The following PSD3 variants were observed in gnomAD, a reference collection of about 807,000 sequenced individuals.
PSD3 encodes the protein PH and SEC7 domain-containing protein 3.
A neutral mutation model predicts 105.5 loss-of-function variants in PSD3; 49 were observed. The ratio of observed to expected loss-of-function variants is 0.46; its 90% CI spans 0.37 to 0.59. The LOEUF (loss-of-function observed/expected upper bound fraction) is 0.59. Among genes scored for constraint, PSD3 ranks in the 20% least tolerant of loss-of-function variants. The probability of loss-of-function intolerance (pLI) is 0.00; values close to 1 mark genes in which losing one functional copy is unlikely to be tolerated. For missense variants in PSD3, 1,561 were observed against 1,263.8 expected (o/e 1.24, Z -3.57); for synonymous variants, 557 against 457.8 (o/e 1.22, Z -2.77).
At chr8:18,965,001 T>G (rs1272741744) in intron 1 of PSD3, among the ~76,000 whole-genome samples, 1 of 152,204 alleles carries the variant, frequency 6.6e-6, no homozygotes, top group Non-Finnish European at 1.5e-5. Context: ...TCACTGAATC[T>G]CGGCTCATAA....
At chr8:18,631,993 T>A (rs1806937817) in intron 11 of PSD3, among the ~76,000 whole-genome samples, 1 of 152,146 alleles carries the variant, frequency 6.6e-6, no homozygotes, top group South Asian at 2.1e-4. Context: ...TCTATTCTTC[T>A]CAAACTCCAA....
intron 1 of PSD3, among the ~76,000 whole-genome samples, chr8:19,073,138 T>C (rs570694295): frequency 8.5e-5 from 6 of 70,222 alleles, no homozygotes; most frequent in African/African-American, 1.5e-4. Flanking sequence ...AACAGAATGA[T>C]AACCCATTTT....
At chr8:18,961,730 T>G (rs898091891) in intron 1 of PSD3, among the ~76,000 whole-genome samples, 2 of 152,078 alleles carry the variant, frequency 1.3e-5, no homozygotes, top group Non-Finnish European at 2.9e-5. Flanking sequence ...ATATAAATAT[T>G]CCTCTAAAGA....
intron 1 of PSD3, among the ~76,000 whole-genome samples, chr8:19,075,174 C>T (rs938822232): frequency 1.0e-4 from 15 of 150,060 alleles, no homozygotes; most frequent in African/African-American, 3.0e-4. Flanking sequence ...CCTCGAACTC[C>T]GGACTTCAAG....
Position 18,872,608 on chromosome 8 carries a change from A to G in PSD3, c.256T>C (p.Cys86Arg), listed in dbSNP as rs777312056. The G allele has an allele frequency of 1.2e-6, 2 of 1,614,116 alleles. No individual in the cohort carries two copies. Among genetic ancestry groups the G allele is most frequent in the Admixed American group, 3.3e-5 (2 of 60,012 alleles). The stretch of plus-strand genomic sequence containing the variant: ...ACACCCTGCTGCTCTTGTGGGTGGC[A>G]TGGCAGAGCCTCACCATCAAATTCC... ...SLEFDGEALP[C>R]HPQEQQGVQP... Residue 86 changes from cysteine (C) to arginine (R), a missense_variant, in exon 3 of 16, where the codon TGC becomes CGC. Transcript: ENST00000327040.
intron 11 of PSD3, among the ~76,000 whole-genome samples, chr8:18,611,071 G>T (rs1805228468): frequency 6.6e-6 from 1 of 152,094 alleles, no homozygotes; most frequent in African/African-American, 2.4e-5. Flanking sequence ...CATAAACAAT[G>T]AAAGTTAATT....
At chr8:18,986,819 C>T (rs1256748064) in intron 1 of PSD3, among the ~76,000 whole-genome samples, 1 of 152,090 alleles carries the variant, frequency 6.6e-6, no homozygotes, top group East Asian at 1.9e-4. Flanking sequence ...CAGCAGTGGG[C>T]AGATAAGGAA....
intron 9 of PSD3, chr8:18,734,383 C>G (rs1803994140): frequency 6.6e-6 from 1 of 152,130 alleles, no homozygotes; most frequent in South Asian, 2.1e-4. Flanking sequence ...ATCTTTAATA[C>G]AGATTAAGAC....
Position 19,013,634 on chromosome 8 carries a change from G to A in PSD3, c.-51C>T, listed in dbSNP as rs1226393663. The A allele has an allele frequency of 9.8e-6, 13 of 1,320,666 alleles. No individual in the cohort carries two copies. The highest frequency in any genetic ancestry group is 2.0e-5 in the South Asian group (1 of 49,282). 81.8% of individuals were successfully genotyped at this position (1,320,666 alleles called of 1,614,324 possible). On this transcript the variant is annotated 5_prime_UTR_variant, in exon 1 of 16. Coordinates refer to ENST00000327040, the MANE Select transcript of PSD3 (RefSeq NM_015310.4). ...CCGAAACCGCCGCCGGGCGCTCCGG[G>A]GCCGCAGCCTCAGGGCGCGAGTGCC...
rs573532967 is a variant in PSD3, at chr8:18,761,508, T to G, written c.2172+3941A>C. Among the ~76,000 whole-genome samples, 4 of 152,310 alleles carry G rather than the reference T, an allele frequency of 2.6e-5. No individual in the cohort carries two copies. The East Asian group carries it at 5.8e-4, about 22-fold the overall frequency. ...AGATGAGGATATTGAAATACACTATTTACTTGACGTAGTCCCCTGACTATT... is the reference window on the plus strand; with the variant it reads ...AGATGAGGATATTGAAATACACTATGTACTTGACGTAGTCCCCTGACTATT... On this transcript the variant is annotated intron_variant, in intron 9 of 15. Transcript: ENST00000327040.
chr8:18,600,247 C>T (rs1804338118), intron 12 of PSD3, 117 bp downstream of exon 12: 3 of 991,778 alleles, frequency 3.0e-6, no homozygotes, highest in Admixed American at 2.6e-5. Flanking sequence ...TTAACATCAG[C>T]AAACAAACTG....
At chr8:19,035,031 A>G (rs1293356160) in intron 1 of PSD3, among the ~76,000 whole-genome samples, 4 of 152,200 alleles carry the variant, frequency 2.6e-5, no homozygotes, top group Non-Finnish European at 5.9e-5. Context: ...TAAGATATGA[A>G]CAGAGTAATG....
At chr8:19,032,312 G>A (rs554439840) in intron 1 of PSD3, among the ~76,000 whole-genome samples, 113 of 152,184 alleles carry the variant, frequency 7.4e-4, no homozygotes, top group Middle Eastern at 3.4e-3. Flanking sequence ...CCTATCACTC[G>A]TGTTCATATG....
chr8:18,843,752 G>C (rs1420914573), intron 4 of PSD3, among the ~76,000 whole-genome samples: 1 of 152,098 alleles, frequency 6.6e-6, no homozygotes, highest in Non-Finnish European at 1.5e-5. Context: ...GTATATTCCA[G>C]TACTGATGAT....
intron 9 of PSD3, among the ~76,000 whole-genome samples, chr8:18,678,931 C>T (rs1800223901): frequency 8.3e-6 from 1 of 120,442 alleles, no homozygotes; most frequent in Non-Finnish European, 1.9e-5. Context: ...TGTATATATG[C>T]TTAAGTTTTT....
intron 12 of PSD3, among the ~76,000 whole-genome samples, chr8:18,583,344 G>C (rs1176761025): frequency 6.6e-6 from 1 of 152,084 alleles, no homozygotes; most frequent in Non-Finnish European, 1.5e-5. Context: ...TTGGAGGACT[G>C]CTTGATCCTG....
chr8:18,829,707 T>G (rs776101572), intron 4 of PSD3, among the ~76,000 whole-genome samples: 3 of 152,146 alleles, frequency 2.0e-5, no homozygotes, highest in Non-Finnish European at 4.4e-5. Context: ...TGACATGACT[T>G]CACAATCTCG....
In PSD3 at chr8:18,647,204, A is replaced by G. The variant is rs565342927; in HGVS notation, c.2216+8438T>C. Among the ~76,000 whole-genome samples, 9 of 152,366 alleles carry G rather than the reference A, an allele frequency of 5.9e-5. No homozygotes were observed. The South Asian group carries it at 1.9e-3, about 32-fold the overall frequency. On this transcript the variant is annotated intron_variant, in intron 10 of 15. Coordinates refer to ENST00000327040, the MANE Select transcript of PSD3 (RefSeq NM_015310.4). ...AGACCAGTCATGACTTAAATTTGCA[A>G]CAAGGAAATGAAAAGCCAAACTACA...
At chr8:18,959,691 T>C (rs1245371856) in intron 1 of PSD3, among the ~76,000 whole-genome samples, 2 of 151,986 alleles carry the variant, frequency 1.3e-5, no homozygotes, top group African/African-American at 2.4e-5. Flanking sequence ...CTAGGGAAAA[T>C]GGCTAAAGAT....
Sources: allele counts gnomAD v4.1 joint callset (sites outside exome capture counted in the v4.1 genomes callset), GRCh38; gene constraint gnomAD v4.1.1; transcripts MANE v1.5; gene names NCBI Gene and HGNC (gene_info 2026-07-23, HGNC 2026-07-21).